SRCAP: variants seen among roughly 807,000 people sequenced by gnomAD.
SRCAP encodes Snf2 related CREBBP activator protein.
SRCAP carries 46 observed loss-of-function variants against 263.1 expected under a neutral mutation model. The ratio of observed to expected loss-of-function variants is 0.17; its 90% CI spans 0.14 to 0.22. The LOEUF (loss-of-function observed/expected upper bound fraction) is 0.22. Among genes scored for constraint, SRCAP ranks in the 10% least tolerant of loss-of-function variants. The pLI, the probability that SRCAP is intolerant of heterozygous loss-of-function variation, is 1.00. For missense variants in SRCAP, 3,695 were observed against 4,181.9 expected (o/e 0.88, Z 3.21); for synonymous variants, 1,813 against 1,662.1 (o/e 1.09, Z -2.21).
At chr16:30,719,587 G>C (rs2151292092) in intron 18 of SRCAP, among the ~76,000 whole-genome samples, 1 of 151,436 alleles carries the variant, frequency 6.6e-6, no homozygotes, top group South Asian at 2.1e-4. Context: ...GATCATAGCT[G>C]ACTGCAGCCT....
In SRCAP at chr16:30,730,178, GAC is replaced by G. The variant is rs1323745261; in HGVS notation, c.6127+608_6127+609del. Among the ~76,000 whole-genome samples, 9 of 152,324 alleles carry G rather than the reference GAC, an allele frequency of 5.9e-5. No individual in the cohort carries two copies. The South Asian group carries it at 1.4e-3, about 25-fold the overall frequency. On this transcript the variant is annotated intron_variant, in intron 27 of 33. Transcript: ENST00000262518. ...TCATTTGGGATACAATAGCAAGTAA[GAC>G]AGTGCAGCATAGAGTTTTTATTTAG...
In SRCAP at chr16:30,737,767, C is replaced by T; in HGVS notation, c.7727C>T (p.Ser2576Leu). The change falls in exon 34 of 34, where the codon TCA becomes TTA. Residue 2576 changes from serine to leucine, a missense_variant. By Grantham distance (145) the Ser-to-Leu change is moderately radical (BLOSUM62 -2). This residue lies in a region of SRCAP where 1,207 missense variants were observed against 1,142.9 expected (regional missense o/e 1.06). Coordinates refer to ENST00000262518, the MANE Select transcript of SRCAP (RefSeq NM_006662.3). ...LASVASSETS[S>L]LSLVPPKDLL... ...TCTGTGGCCAGTTCAGAAACCTCCTCACTTTCTCTTGTGCCCCCTAAAGAT... is the reference window on the plus strand; with the variant it reads ...TCTGTGGCCAGTTCAGAAACCTCCTTACTTTCTCTTGTGCCCCCTAAAGAT... 1 of 1,614,226 alleles carries T rather than the reference C, an allele frequency of 6.2e-7. No individual in the cohort carries two copies.
rs1016999544 is a variant in SRCAP at position 30,707,725 on chromosome 16, G to T, written c.633+13G>T. 1 of 1,613,976 alleles carries T rather than the reference G, an allele frequency of 6.2e-7. No homozygotes were observed. The highest frequency in any genetic ancestry group is 8.5e-7 in the Non-Finnish European group (1 of 1,179,890). ...CAATGTGGAGAAGGTAGACAGTGGG[G>T]ATCAGGAAAGGAAAATGGCCTTGGA... is the stretch of plus-strand genomic sequence containing the variant. On this transcript the variant is annotated intron_variant, in intron 6 of 33. Coordinates refer to ENST00000262518, the MANE Select transcript of SRCAP (RefSeq NM_006662.3).
chr16:30,706,711 T>G (rs901018840), intron 4 of SRCAP, among the ~76,000 whole-genome samples: 2 of 152,238 alleles, frequency 1.3e-5, no homozygotes, highest in Non-Finnish European at 1.5e-5. Context: ...CTAAGCTTAA[T>G]GCATCATGAA....
At chr16:30,713,151 C>T in intron 14 of SRCAP, 57 bp from the exon 15 acceptor site, 1 of 1,564,776 alleles carries the variant, frequency 6.4e-7, no homozygotes, top group South Asian at 1.1e-5. Context: ...GCATGTCTTC[C>T]CTTTGCTCTC....
At chr16:30,713,815 C>T in intron 16 of SRCAP, 104 bp downstream of exon 16, 1 of 1,040,988 alleles carries the variant, frequency 9.6e-7, no homozygotes, top group East Asian at 2.4e-5. Context: ...AAGTCAGTGC[C>T]AGGCTAAACT....
chr16:30,703,165 A>ATATATATATATG (rs1161050920), intron 3 of SRCAP, among the ~76,000 whole-genome samples: 1 of 151,074 alleles, frequency 6.6e-6, no homozygotes, highest in African/African-American at 2.4e-5. Flanking sequence ...ATATATATAT[A>ATATATATATATG]TATGTATGTA....
At chr16:30,707,498 T>C in intron 5 of SRCAP, 74 bp from the exon 6 acceptor site, 1 of 1,605,738 alleles carries the variant, frequency 6.2e-7, no homozygotes, top group South Asian at 1.1e-5. Flanking sequence ...TTTCTTGGCC[T>C]TGATTATTTT....
intron 4 of SRCAP, among the ~76,000 whole-genome samples, chr16:30,705,438 G>A (rs981304064): frequency 2.6e-5 from 4 of 151,856 alleles, no homozygotes; most frequent in South Asian, 2.1e-4. Context: ...TCGCTCTGTC[G>A]CCCAGGCTGG....
At chr16:30,728,931 G>T (rs376145168) in intron 25 of SRCAP, 35 bp from the exon 26 acceptor site, 3 of 1,588,816 alleles carry the variant, frequency 1.9e-6, no homozygotes, top group South Asian at 1.1e-5. Flanking sequence ...GACTCTGAGG[G>T]TGCTGATTAC....
chr16:30,707,077 C>T (rs956118586), intron 4 of SRCAP, 106 bp from the exon 5 acceptor site: 4 of 1,137,926 alleles, frequency 3.5e-6, no homozygotes, highest in East Asian at 4.9e-5. Context: ...GTGGACTAAA[C>T]ATAAGCATAA....
intron 27 of SRCAP, among the ~76,000 whole-genome samples, 191 bp downstream of exon 27, chr16:30,729,763 G>T (rs2053095774): frequency 6.6e-6 from 1 of 152,108 alleles, no homozygotes; most frequent in Non-Finnish European, 1.5e-5. Context: ...TCATAAATAT[G>T]ACTTTCTTCT....
chr16:30,719,950 TG>T (rs111866637), intron 18 of SRCAP, among the ~76,000 whole-genome samples: 3 of 152,020 alleles, frequency 2.0e-5, no homozygotes, highest in Non-Finnish European at 4.4e-5. Context: ...TTCAGCCCCT[TG>T]CCCGCCACAG....
At position 30,723,086 on chromosome 16, in the gene SRCAP, C is replaced by G; in HGVS notation, c.4016C>G (p.Pro1339Arg). The G allele has an allele frequency of 6.2e-7, 1 of 1,614,086 alleles. No individual in the cohort carries two copies. The highest frequency in any genetic ancestry group is 8.5e-7 in the Non-Finnish European group (1 of 1,180,018). ...CCCCGGCCTCCGAGCTCTGGGCTTCCAGCTGTGTTGAATCCACGCCCCACG... is the reference window on the plus strand; with the variant it reads ...CCCCGGCCTCCGAGCTCTGGGCTTCGAGCTGTGTTGAATCCACGCCCCACG... ...PAPRPPSSGLPAVLNPRPTLT... is the reference protein window; with the variant it reads ...PAPRPPSSGLRAVLNPRPTLT... The change falls in exon 24 of 34, where the codon CCA becomes CGA. Residue 1339 changes from proline to arginine, a missense_variant. Coordinates refer to ENST00000262518, the MANE Select transcript of SRCAP (RefSeq NM_006662.3).
At chr16:30,710,717 C>T (rs201774557) in intron 8 of SRCAP, 37 bp from the exon 9 acceptor site, 77 of 1,607,264 alleles carry the variant, frequency 4.8e-5, no homozygotes, top group African/African-American at 1.3e-5. Context: ...GCTACTGTAA[C>T]CTTAGACCCT....
chr16:30,716,521 C>A, intron 18 of SRCAP, 42 bp downstream of exon 18: 1 of 1,555,360 alleles, frequency 6.4e-7, no homozygotes, highest in Non-Finnish European at 8.7e-7. Flanking sequence ...AGGTTATCGG[C>A]ATTACTCCAA....
Position 30,708,616 on chromosome 16 carries a change from ACTC to A in SRCAP, c.634-894_634-892del, listed in dbSNP as rs551799156. The stretch of plus-strand genomic sequence containing the variant: ...GCTGTGTTGGCCAGGCTGGTCTTGA[ACTC>A]CTGACCTCAGGTTATCCACTCGCCC... On this transcript the variant is annotated intron_variant, in intron 6 of 33. Coordinates refer to ENST00000262518, the MANE Select transcript of SRCAP (RefSeq NM_006662.3). Among the ~76,000 whole-genome samples, 684 of 151,266 alleles carry A rather than the reference ACTC, an allele frequency of 4.5e-3. 1 individual carries two copies. Among genetic ancestry groups the A allele is most frequent in the Non-Finnish European group, 8.0e-3 (539 of 67,754 alleles).
rs1023053305 is a variant in SRCAP, at chr16:30,712,173, G to C, written c.1815+16G>C. 6.2e-7 allele frequency: 1 copy of C among 1,608,884 alleles called. No homozygotes were observed. The highest frequency in any genetic ancestry group is 1.3e-5 in the African/African-American group (1 of 74,780). On this transcript the variant is annotated intron_variant, in intron 12 of 33. Coordinates refer to ENST00000262518, the MANE Select transcript of SRCAP (RefSeq NM_006662.3). ...CACGACCCAGGTATCCCCAGGTTCT[G>C]GCCTCTCCTTTCTCATGTCTTGACT...
chr16:30,722,420 G>C (rs918601808), intron 22 of SRCAP, 134 bp downstream of exon 22: 42 of 1,502,714 alleles, frequency 2.8e-5, no homozygotes, highest in Non-Finnish European at 3.7e-5. Context: ...GGCATGGTTG[G>C]AGGGATCTTG....
Sources: gnomAD v4.1 joint callset for allele counts (sites outside exome capture counted in the v4.1 genomes callset) on GRCh38, gnomAD v4.1.1 for gene constraint, gnomAD v4.1.1 regional missense constraint, MANE v1.5 for transcripts, NCBI Gene and HGNC (gene_info 2026-07-23, HGNC 2026-07-21) for gene names.